MAP1LC3A: variants seen among roughly 807,000 people sequenced by gnomAD.
MAP1LC3A encodes microtubule associated protein 1 light chain 3 alpha.
A neutral mutation model predicts 15.2 loss-of-function variants in MAP1LC3A; 10 were observed. That is an observed-to-expected ratio of 0.66 (90% CI 0.41 to 1.12). The LOEUF (loss-of-function observed/expected upper bound fraction) is 1.12. Among genes scored for constraint, MAP1LC3A ranks in the 50% most tolerant of loss-of-function variants. MAP1LC3A has a pLI of 0.00. For synonymous variants in MAP1LC3A, 63 were observed against 64.3 expected, an observed-to-expected ratio of 0.98 and a Z score of 0.10; for missense variants, 138 against 167.3, an observed-to-expected ratio of 0.82 and a Z score of 0.97.
intron 1 of MAP1LC3A, chr20:34,549,795 TAGGGAG>T (rs1302654618): frequency 1.7e-6 from 1 of 586,490 alleles, no homozygotes; most frequent in Non-Finnish European, 3.1e-6. Context: ...GGGCGTGTCT[TAGGGAG>T]AGGTGATTTC....
chr20:34,549,228 G>A (rs933746146), intron 1 of MAP1LC3A, among the ~76,000 whole-genome samples: 2 of 151,902 alleles, frequency 1.3e-5, no homozygotes, highest in African/African-American at 4.8e-5. Context: ...GTTTCGCCGT[G>A]TTGGCCAGGC....
At chr20:34,549,495 T>C (rs1981865586) in intron 1 of MAP1LC3A, among the ~76,000 whole-genome samples, 1 of 152,190 alleles carries the variant, frequency 6.6e-6, no homozygotes. Context: ...GTTCTTTGCC[T>C]GGCTCAGGAA....
At chr20:34,555,409 T>C (rs1376417118), upstream of MAP1LC3A, among the ~76,000 whole-genome samples, 1 of 152,124 alleles carries the variant, frequency 6.6e-6, no homozygotes. Flanking sequence ...CCTCCCAAAG[T>C]GTTGGGATTA....
At chr20:34,553,232 AGGG>A (rs1982014291) in intron 2 of MAP1LC3A, among the ~76,000 whole-genome samples, 1 of 152,170 alleles carries the variant, frequency 6.6e-6, no homozygotes, top group African/African-American at 2.4e-5. Context: ...TGGCCTGAAA[AGGG>A]GAGACAAAAG....
Position 34,559,930 on chromosome 20 carries a change from G to A in MAP1LC3A, c.*32G>A, listed in dbSNP as rs755307134. 2 of 1,592,090 alleles carry A rather than the reference G, an allele frequency of 1.3e-6. No individual in the cohort carries two copies. The highest frequency in any genetic ancestry group is 8.5e-7 in the Non-Finnish European group (1 of 1,170,482). ...AGTAGGGGGGCTCGGCCTGGGAGTC[G>A]GGCGGCCCCGGTCAGGCCCTGCCCA... On this transcript the variant is annotated 3_prime_UTR_variant, in exon 4 of 4. Coordinates refer to ENST00000360668, the MANE Select transcript of MAP1LC3A (RefSeq NM_032514.4).
upstream of MAP1LC3A, among the ~76,000 whole-genome samples, chr20:34,555,888 G>T (rs1476056741): frequency 2.0e-5 from 3 of 150,812 alleles, no homozygotes; most frequent in Non-Finnish European, 4.4e-5. Context: ...TGTCGCCCAG[G>T]CTGGAGTGCA....
At chr20:34,548,958 G>A (rs910174565) in intron 1 of MAP1LC3A, among the ~76,000 whole-genome samples, 33 of 152,060 alleles carry the variant, frequency 2.2e-4, no homozygotes, top group Middle Eastern at 3.2e-3. Context: ...CACCCACCTC[G>A]GCCTCCCGAA....
chr20:34,559,993 T>C lies in MAP1LC3A; in HGVS notation c.*95T>C. 7.3e-7 allele frequency: 1 copy of C among 1,368,162 alleles called. No homozygotes were observed. 84.8% of individuals were successfully genotyped at this position (1,368,162 alleles called of 1,614,324 possible). ...TTCCTGAACTGAGCTGCCTCTACCG[T>C]GGTGGGCTGGGCAGGCATGTGCCCC... is the stretch of plus-strand genomic sequence containing the variant. On this transcript the variant is annotated 3_prime_UTR_variant, in exon 4 of 4. Transcript: ENST00000360668.
chr20:34,559,906 G>C lies in MAP1LC3A; in HGVS notation c.*8G>C, dbSNP rs760732280. 7 of 1,607,726 alleles carry C rather than the reference G, an allele frequency of 4.4e-6. No individual in the cohort carries two copies. The East Asian group carries it at 1.6e-4, about 36-fold the overall frequency. On this transcript the variant is annotated 3_prime_UTR_variant, in exon 4 of 4. Transcript: ENST00000360668. Reference sequence around the variant, plus strand: ...GAAACCTTCGGCTTCTGAGCCAGCAGTAGGGGGGCTCGGCCTGGGAGTCGG... The same window carrying C: ...GAAACCTTCGGCTTCTGAGCCAGCACTAGGGGGGCTCGGCCTGGGAGTCGG...
chr20:34,554,001 A>T (rs951495256), upstream of MAP1LC3A, among the ~76,000 whole-genome samples: 3 of 152,206 alleles, frequency 2.0e-5, no homozygotes, highest in Non-Finnish European at 2.9e-5. Flanking sequence ...TAGGAAAGAC[A>T]TGGGCATCTT....
At chr20:34,558,573 G>A, upstream of MAP1LC3A, 1 of 1,187,414 alleles carries the variant, frequency 8.4e-7, no homozygotes. The surrounding 1 kb of genome is among the most constrained non-coding windows in gnomAD (Gnocchi z 4.3). Context: ...GACGCGCCCA[G>A]AAGCCCCGCC....
chr20:34,550,486 A>C (rs1981908697), intron 2 of MAP1LC3A, among the ~76,000 whole-genome samples: 1 of 152,246 alleles, frequency 6.6e-6, no homozygotes, highest in African/African-American at 2.4e-5. Context: ...CCTGGGGTGT[A>C]GCAGGAACCA....
intron 2 of MAP1LC3A, 38 bp from the exon 3 acceptor site, chr20:34,559,309 T>C (rs2146680999): frequency 6.5e-7 from 1 of 1,538,698 alleles, no homozygotes; most frequent in Non-Finnish European, 8.9e-7. Flanking sequence ...CCTCGCGCGT[T>C]CCCGACACGA....
upstream of MAP1LC3A, among the ~76,000 whole-genome samples, chr20:34,555,375 C>CCGA (rs1982118179): frequency 2.6e-5 from 4 of 151,948 alleles, no homozygotes; most frequent in African/African-American, 7.3e-5. Flanking sequence ...GAACTCCTGG[C>CCGA]CTCAAGTGAT....
upstream of MAP1LC3A, among the ~76,000 whole-genome samples, chr20:34,553,782 A>G (rs7274093): frequency 0.082 from 12,479 of 152,192 alleles, 1,682 homozygotes; most frequent in African/African-American, 0.28. Flanking sequence ...TAAAATATTT[A>G]CTGTCTGGCC....
At chr20:34,548,387 G>A (rs781222516) in intron 1 of MAP1LC3A, among the ~76,000 whole-genome samples, 25 of 152,222 alleles carry the variant, frequency 1.6e-4, no homozygotes, top group African/African-American at 2.4e-4. Flanking sequence ...TGACCAGACC[G>A]CTCCAAGGGC....
chr20:34,552,340 G>T (rs567167093), intron 2 of MAP1LC3A, among the ~76,000 whole-genome samples: 1 of 152,348 alleles, frequency 6.6e-6, no homozygotes, highest in South Asian at 2.1e-4. Context: ...GTGTAAGAGG[G>T]ACCACTACCA....
At chr20:34,557,492 C>T (rs1320787095), upstream of MAP1LC3A, among the ~76,000 whole-genome samples, 2 of 152,160 alleles carry the variant, frequency 1.3e-5, no homozygotes, top group Admixed American at 6.5e-5. Flanking sequence ...GTTTCTGTGG[C>T]CCACAAATTA....
chr20:34,558,731 C>CCCGCAG lies in MAP1LC3A; in HGVS notation c.-127_-122dup. 2.6e-5 allele frequency: 34 copies of CCCGCAG among 1,307,146 alleles called. No homozygotes were observed. Among genetic ancestry groups the CCCGCAG allele is most frequent in the East Asian group, 1.3e-4 (4 of 31,480 alleles). 81.0% of individuals were successfully genotyped at this position (1,307,146 alleles called of 1,614,324 possible). On this transcript the variant is annotated 5_prime_UTR_variant, in exon 1 of 4. Coordinates refer to ENST00000360668, the MANE Select transcript of MAP1LC3A (RefSeq NM_032514.4). The surrounding 1 kb of genome is among the most constrained non-coding windows in gnomAD (Gnocchi z 4.3). ...CCTGACGTCACCGGGCGAGTTACCT[C>CCCGCAG]CCGCAGCCGCAGCCGCCGTGCTCAG...
Sources: gnomAD v4.1 joint callset for allele counts (sites outside exome capture counted in the v4.1 genomes callset) on GRCh38, gnomAD v4.1.1 for gene constraint, Gnocchi (gnomAD v3.1) non-coding constraint, MANE v1.5 for transcripts, NCBI Gene and HGNC (gene_info 2026-07-23, HGNC 2026-07-21) for gene names.